The following PDE4D variants were observed in gnomAD, a reference collection of about 807,000 sequenced individuals.
PDE4D encodes phosphodiesterase 4D.
In PDE4D, 24 loss-of-function variants were observed where a neutral mutation model predicts 87.4. That is an observed-to-expected ratio of 0.27 (90% CI 0.20 to 0.39). PDE4D has a LOEUF of 0.39. PDE4D is among the 10% of genes least tolerant of loss of function. The pLI, the probability that PDE4D is intolerant of heterozygous loss-of-function variation, is 1.00. For synonymous variants in PDE4D, 384 were observed against 383.2 expected, an observed-to-expected ratio of 1.00 and a Z score of -0.02; for missense variants, 714 against 1,041.0, an observed-to-expected ratio of 0.69 and a Z score of 4.32.
At chr5:59,734,853 G>A (rs1193045779) in intron 1 of PDE4D, among the ~76,000 whole-genome samples, 2 of 152,138 alleles carry the variant, frequency 1.3e-5, no homozygotes, top group African/African-American at 4.8e-5. Context: ...GCTTGCGGAG[G>A]TCTAGACTGC....
chr5:60,041,788 CCA>C (rs1228181551), intron 2 of PDE4D, among the ~76,000 whole-genome samples: 2 of 152,152 alleles, frequency 1.3e-5, no homozygotes, highest in African/African-American at 4.8e-5. Context: ...TACACATTTC[CCA>C]CAGTCTTTGC....
chr5:59,491,784 A>C lies in PDE4D; in HGVS notation c.456-275816T>G, dbSNP rs924998. On this transcript the variant is annotated intron_variant, in intron 1 of 14. Coordinates refer to ENST00000340635, the MANE Select transcript of PDE4D (RefSeq NM_001104631.2). ...GTTAAATATAATGTATAAGATATAG[A>C]AATTGCTCTTTATCGCTATACTCTT... 4.5e-3 allele frequency among the ~76,000 whole-genome samples: 681 copies of C among 152,318 alleles called. 4 individuals are homozygous for C. Among genetic ancestry groups the C allele is most frequent in the African/African-American group, 0.015 (629 of 41,566 alleles).
intron 3 of PDE4D, among the ~76,000 whole-genome samples, chr5:59,934,560 T>G (rs190600019): frequency 6.6e-6 from 1 of 152,166 alleles, no homozygotes. Flanking sequence ...GGAGAAGAGA[T>G]GGAGCCTTGA....
chr5:59,871,798 A>G (rs1196325306), intron 1 of PDE4D, among the ~76,000 whole-genome samples: 1 of 152,128 alleles, frequency 6.6e-6, no homozygotes, highest in Non-Finnish European at 1.5e-5. Context: ...AAATTTTTTC[A>G]TTTTTGGACT....
intron 1 of PDE4D, among the ~76,000 whole-genome samples, chr5:59,529,738 T>C (rs953684779): frequency 1.3e-5 from 2 of 152,158 alleles, no homozygotes; most frequent in African/African-American, 4.8e-5. Flanking sequence ...GACCAAAAGG[T>C]TTGATAAATT....
chr5:59,114,358 A>T (rs77273833), intron 5 of PDE4D, among the ~76,000 whole-genome samples: 7,393 of 152,232 alleles, frequency 0.049, 257 homozygotes, highest in East Asian at 0.12. Context: ...TATTTTCTGA[A>T]CATGATAGCT....
intron 2 of PDE4D, among the ~76,000 whole-genome samples, chr5:60,147,046 A>G (rs917998482): frequency 6.6e-6 from 1 of 152,182 alleles, no homozygotes; most frequent in Non-Finnish European, 1.5e-5. Context: ...AGCACCATTC[A>G]AATGAGCCAC....
chr5:60,468,808 G>A (rs888805131), intron 1 of PDE4D, among the ~76,000 whole-genome samples: 2 of 152,026 alleles, frequency 1.3e-5, no homozygotes, highest in Non-Finnish European at 2.9e-5. Context: ...CTACAGGCAT[G>A]AGCCACCCAC....
intron 3 of PDE4D, among the ~76,000 whole-genome samples, chr5:59,948,457 G>A (rs1757934765): frequency 6.6e-6 from 1 of 152,120 alleles, no homozygotes. Flanking sequence ...GGGAGAGGAT[G>A]GTAGTTGTGC....
chr5:60,050,085 C>A (rs1246659685), intron 2 of PDE4D, among the ~76,000 whole-genome samples: 1 of 152,200 alleles, frequency 6.6e-6, no homozygotes, highest in South Asian at 2.1e-4. Flanking sequence ...TTTTTAAGGC[C>A]GTCAGAAAAG....
intron 3 of PDE4D, among the ~76,000 whole-genome samples, chr5:59,903,084 G>A (rs1043253772): frequency 1.3e-5 from 2 of 152,158 alleles, no homozygotes; most frequent in East Asian, 1.9e-4. Context: ...CCCAATCCTG[G>A]CACACATATA....
chr5:60,307,176 T>C (rs1459281565), intron 1 of PDE4D, among the ~76,000 whole-genome samples: 1 of 152,154 alleles, frequency 6.6e-6, no homozygotes, highest in Non-Finnish European at 1.5e-5. Context: ...ACAAGAGTTG[T>C]AAATACTTTA....
At chr5:59,181,474 T>C (rs1741520721) in intron 4 of PDE4D, among the ~76,000 whole-genome samples, 1 of 147,710 alleles carries the variant, frequency 6.8e-6, no homozygotes, top group Non-Finnish European at 1.5e-5. Flanking sequence ...TATAAAGTTA[T>C]TACTTGTAAC....
intron 4 of PDE4D, among the ~76,000 whole-genome samples, chr5:59,183,236 A>C (rs183198739): frequency 3.3e-5 from 5 of 152,342 alleles, no homozygotes; most frequent in African/African-American, 1.2e-4. Context: ...GGAAGACCAC[A>C]GTGGCCTTTA....
Position 59,172,080 on chromosome 5 carries a change from TTA to T in PDE4D, c.808+8513_808+8514del, listed in dbSNP as rs1443674547. Among the ~76,000 whole-genome samples, 27 of 7,574 alleles carry T rather than the reference TTA, an allele frequency of 3.6e-3. 2 individuals are homozygous for T. The highest frequency in any genetic ancestry group is 0.029 in the East Asian group (21 of 726). The allele number at this position is 7,574 out of a possible 152,430, so 5.0% of individuals were successfully genotyped here. ...ATATTATATATATAATAAATATATA[TTA>T]TATATATAATAAATATATATTATAT... On this transcript the variant is annotated intron_variant, in intron 5 of 14. Transcript: ENST00000340635.
chr5:59,271,670 T>C (rs773997135), intron 1 of PDE4D, among the ~76,000 whole-genome samples: 5 of 152,044 alleles, frequency 3.3e-5, no homozygotes, highest in Non-Finnish European at 5.9e-5. Flanking sequence ...TGCAAGAAAA[T>C]TCAGAAAATT....
chr5:60,154,321 G>A (rs1369807246), intron 2 of PDE4D, among the ~76,000 whole-genome samples: 1 of 151,950 alleles, frequency 6.6e-6, no homozygotes, highest in African/African-American at 2.4e-5. Flanking sequence ...CTCTTGCCCA[G>A]GCTGGAGTGC....
At chr5:59,632,765 A>T (rs1831733351) in intron 1 of PDE4D, among the ~76,000 whole-genome samples, 1 of 152,238 alleles carries the variant, frequency 6.6e-6, no homozygotes, top group Non-Finnish European at 1.5e-5. Flanking sequence ...AGATAAATCC[A>T]TGAAGATGAG....
At chr5:60,451,880 T>G (rs1362988815) in intron 1 of PDE4D, among the ~76,000 whole-genome samples, 1 of 152,066 alleles carries the variant, frequency 6.6e-6, no homozygotes, top group African/African-American at 2.4e-5. Context: ...TTTGCCAGGT[T>G]TGTTGAAAAG....
Sources: allele counts gnomAD v4.1 joint callset (sites outside exome capture counted in the v4.1 genomes callset), GRCh38; gene constraint gnomAD v4.1.1; transcripts MANE v1.5; gene names NCBI Gene and HGNC (gene_info 2026-07-23, HGNC 2026-07-21).